Variants in FLRT3 observed in about 807,000 individuals in gnomAD.
The protein encoded by FLRT3 is fibronectin leucine rich transmembrane protein 3, also known as leucine-rich repeat transmembrane protein FLRT3.
In FLRT3, 17 loss-of-function variants were observed where a neutral mutation model predicts 42.6. The observed-to-expected ratio is 0.40, with a 90% CI of 0.27 to 0.60. FLRT3 has a LOEUF of 0.60. Among genes scored for constraint, FLRT3 ranks in the 20% least tolerant of loss-of-function variants. FLRT3 has a pLI of 0.44. For synonymous variants in FLRT3, 279 were observed against 286.4 expected, an observed-to-expected ratio of 0.97 and a Z score of 0.26; for missense variants, 635 against 789.2, an observed-to-expected ratio of 0.80 and a Z score of 2.34.
chr20:14,329,349 A>G (rs749019458), intron 1 of FLRT3, 22 bp from the exon 2 acceptor site: 3 of 152,124 alleles, frequency 2.0e-5, no homozygotes, highest in Non-Finnish European at 4.4e-5. Context: ...AAAGGTTTTA[A>G]TGAACTATTA....
chr20:14,326,456 C>T lies in FLRT3; in HGVS notation c.1051G>A (p.Glu351Lys), dbSNP rs763883408. ...CCACTGTCCTTACAATCAAACAGTT[C>T]TGCATTGAGATCCTTAATAGCCATC... ...RGMAIKDLNA[E>K]LFDCKDSGIV... is the part of the protein sequence containing the mutation. Residue 351 changes from glutamate (E) to lysine (K), a missense_variant, in exon 3 of 3, where the codon GAA (glutamate) becomes AAA (lysine). Transcript: ENST00000341420. This position sits in a 1 kb window ranked among gnomAD's most constrained non-coding sequence, Gnocchi z 5.5. 4 of 1,613,844 alleles carry T rather than the reference C, an allele frequency of 2.5e-6. No homozygotes were observed. Among genetic ancestry groups the T allele is most frequent in the Admixed American group, 3.3e-5 (2 of 59,982 alleles).
Position 14,329,801 on chromosome 20 carries a change from A to G in FLRT3, c.-246-474T>C, listed in dbSNP as rs576032930. 3.3e-5 allele frequency among the ~76,000 whole-genome samples: 5 copies of G among 152,172 alleles called. No individual in the cohort carries two copies. The South Asian group carries it at 1.0e-3, about 32-fold the overall frequency. ...AATTTAGAGTTGAAAAGACTATTTT[A>G]AAAGCTTTTCTTTTGATTTGCTTAG... On this transcript the variant is annotated intron_variant, in intron 1 of 2. Coordinates refer to ENST00000341420, the MANE Select transcript of FLRT3 (RefSeq NM_198391.3).
In FLRT3 at chr20:14,337,573, C is replaced by T; in HGVS notation, c.-416G>A. 7.5e-6 allele frequency: 3 copies of T among 398,538 alleles called. No homozygotes were observed. The allele number at this position is 398,538 out of a possible 1,614,324, so 24.7% of individuals were successfully genotyped here. On this transcript the variant is annotated 5_prime_UTR_variant, in exon 1 of 3. It adds an upstream start codon to the 5' untranslated region. Coordinates refer to ENST00000341420, the MANE Select transcript of FLRT3 (RefSeq NM_198391.3). Reference sequence around the variant, plus strand: ...TGTCCTGCTTCAGATCACTCCTACACTGAGGAGTGAGCGAGGGAGAGCATT... The same window carrying T: ...TGTCCTGCTTCAGATCACTCCTACATTGAGGAGTGAGCGAGGGAGAGCATT...
At chr20:14,330,936 T>C (rs1038030374) in intron 1 of FLRT3, among the ~76,000 whole-genome samples, 5 of 152,256 alleles carry the variant, frequency 3.3e-5, no homozygotes, top group Admixed American at 3.3e-4. Flanking sequence ...TTATTCAACA[T>C]ATAAAATAAT....
chr20:14,325,660 G>A lies in FLRT3; in HGVS notation c.1847C>T (p.Pro616Leu), dbSNP rs768053844. ...TTTGTACAGATTCATTCCATTAGGA[G>A]GAAATATGGTGTGTATTACAAACTC... ...KEEFVIHTIF[P>L]PNGMNLYKNN... The change falls in exon 3 of 3, where the codon CCT (proline) becomes CTT (leucine). Residue 616 changes from proline to leucine, a missense_variant. Coordinates refer to ENST00000341420, the MANE Select transcript of FLRT3 (RefSeq NM_198391.3). The A allele has an allele frequency of 3.1e-6, 5 of 1,613,642 alleles. No homozygotes were observed.
intron 1 of FLRT3, among the ~76,000 whole-genome samples, chr20:14,333,023 A>C (rs2122620795): frequency 6.6e-6 from 1 of 152,138 alleles, no homozygotes; most frequent in South Asian, 2.1e-4. Flanking sequence ...CTGGTAGTTA[A>C]ATTTTCCATG....
Position 14,326,406 on chromosome 20 carries a change from G to A in FLRT3, c.1101C>T (p.Thr367=), listed in dbSNP as rs1279581102. 8.7e-6 allele frequency: 14 copies of A among 1,613,776 alleles called. No homozygotes were observed. The African/African-American group carries it at 1.9e-4, about 22-fold the overall frequency. ...DSGIVSTIQI[T]TAIPNTVYPA... ...GATACACTGTGTTGGGTATTGCAGT[G>A]GTTATCTGAATGGTGCTTACAATCC... is the stretch of plus-strand genomic sequence containing the variant. The change falls in exon 3 of 3, where the codon ACC becomes ACT. Residue 367 remains threonine (T), a synonymous_variant. Transcript: ENST00000341420. The surrounding 1 kb of genome is among the most constrained non-coding windows in gnomAD (Gnocchi z 5.5).
chr20:14,326,253 G>A lies in FLRT3; in HGVS notation c.1254C>T (p.Val418=). ...AAGAGATATGAATGGTATCAGAGGT[G>A]ACAGACTTCACAGTAATTGTAATTG... ...RKTITITVKS[V]TSDTIHISWK... is the part of the protein sequence containing the mutation. The change falls in exon 3 of 3, where the codon GTC becomes GTT. Residue 418 remains valine (V), a synonymous_variant. Coordinates refer to ENST00000341420, the MANE Select transcript of FLRT3 (RefSeq NM_198391.3). This position sits in a 1 kb window ranked among gnomAD's most constrained non-coding sequence, Gnocchi z 5.5. 2 of 1,613,942 alleles carry A rather than the reference G, an allele frequency of 1.2e-6. No homozygotes were observed. The highest frequency in any genetic ancestry group is 1.7e-6 in the Non-Finnish European group (2 of 1,179,864).
At chr20:14,327,892 A>G (rs1166056257) in intron 2 of FLRT3, among the ~76,000 whole-genome samples, 3 of 152,124 alleles carry the variant, frequency 2.0e-5, no homozygotes, top group Admixed American at 2.0e-4. Context: ...TCACTGATCA[A>G]GCTAATTGAA....
At chr20:14,328,592 T>A (rs903019923) in intron 2 of FLRT3, among the ~76,000 whole-genome samples, 13 of 152,126 alleles carry the variant, frequency 8.5e-5, no homozygotes, top group African/African-American at 3.1e-4. Context: ...TATTGAACGA[T>A]GTGAGTAAAT....
At chr20:14,333,337 T>G (rs970902605) in intron 1 of FLRT3, among the ~76,000 whole-genome samples, 2 of 152,220 alleles carry the variant, frequency 1.3e-5, no homozygotes, top group Non-Finnish European at 2.9e-5. Flanking sequence ...CTTCATTTAT[T>G]TTGACTTGTA....
intron 1 of FLRT3, among the ~76,000 whole-genome samples, chr20:14,335,086 G>A (rs1263804458): frequency 1.3e-5 from 2 of 152,180 alleles, no homozygotes; most frequent in Non-Finnish European, 2.9e-5. Flanking sequence ...TCCCTGCACT[G>A]ATTTTTGTAG....
Position 14,337,542 on chromosome 20 carries a change from T to C in FLRT3, c.-385A>G. 2.5e-6 allele frequency: 1 copy of C among 398,638 alleles called. No individual in the cohort carries two copies. 24.7% of individuals were successfully genotyped at this position (398,638 alleles called of 1,614,324 possible). A position where few individuals can be genotyped will look rare whatever the true frequency, so the allele number is the denominator to read the frequency against. On this transcript the variant is annotated 5_prime_UTR_variant, in exon 1 of 3. Coordinates refer to ENST00000341420, the MANE Select transcript of FLRT3 (RefSeq NM_198391.3). ...CACAAAGCCCACGGCAGCTGCAGGC[T>C]GAGCTTGTCCTGCTTCAGATCACTC...
chr20:14,328,436 T>A (rs1302303529), intron 2 of FLRT3, among the ~76,000 whole-genome samples: 2 of 152,166 alleles, frequency 1.3e-5, no homozygotes, highest in Non-Finnish European at 2.9e-5. Flanking sequence ...AATTCTAACC[T>A]AGAACATAAA....
chr20:14,337,340 C>A, intron 1 of FLRT3, 64 bp downstream of exon 1: 65 of 240,276 alleles, frequency 2.7e-4, no homozygotes, highest in Non-Finnish European at 3.2e-4. Flanking sequence ...TCGTTTCTTT[C>A]TAGAGAGTAA....
In FLRT3 at chr20:14,326,437, T is replaced by C. The variant is rs775345656; in HGVS notation, c.1070A>G (p.Asp357Gly). Residue 357 changes from aspartate to glycine, a missense_variant, in exon 3 of 3, where the codon GAC becomes GGC. Asp to Gly is a moderately conservative substitution (Grantham distance 94, BLOSUM62 -1). Transcript: ENST00000341420. This position sits in a 1 kb window ranked among gnomAD's most constrained non-coding sequence, Gnocchi z 5.5. Reference protein sequence around the residue: ...DLNAELFDCKDSGIVSTIQIT... With the variant: ...DLNAELFDCKGSGIVSTIQIT... Reference sequence around the variant, plus strand: ...CTGAATGGTGCTTACAATCCCACTGTCCTTACAATCAAACAGTTCTGCATT... The same window carrying C: ...CTGAATGGTGCTTACAATCCCACTGCCCTTACAATCAAACAGTTCTGCATT... 1.2e-6 allele frequency: 2 copies of C among 1,613,724 alleles called. No individual in the cohort carries two copies. Among genetic ancestry groups the C allele is most frequent in the East Asian group, 4.5e-5 (2 of 44,872 alleles).
chr20:14,327,761 T>G (rs1334100158), intron 2 of FLRT3, among the ~76,000 whole-genome samples: 5 of 152,128 alleles, frequency 3.3e-5, no homozygotes, highest in African/African-American at 7.2e-5. Context: ...TTTCTTAATT[T>G]CTTTATAAAT....
chr20:14,325,738 C>G lies in FLRT3; in HGVS notation c.1769G>C (p.Arg590Thr). 6.2e-7 allele frequency: 1 copy of G among 1,613,912 alleles called. No individual in the cohort carries two copies. Among genetic ancestry groups the G allele is most frequent in the Non-Finnish European group, 8.5e-7 (1 of 1,179,868 alleles). Residue 590 changes from arginine to threonine, a missense_variant, in exon 3 of 3, where the codon AGG becomes ACG. By Grantham distance (71) the Arg-to-Thr change is moderately conservative (BLOSUM62 -1). Transcript: ENST00000341420. ...TGGTAACATCTGAAAAGAAGTTTCC[C>G]TGATTTCCAGGATAGAGTTGTCCTT... ...TKKDNSILEIRETSFQMLPIS... is the reference protein window; with the variant it reads ...TKKDNSILEITETSFQMLPIS...
Position 14,329,190 on chromosome 20 carries a change from G to A in FLRT3, c.-109C>T, listed in dbSNP as rs552470906. ...TTCTTGCTGATTTTTCAGAATGTCTGGTGCAGTCACGTTATACAAGAACAG... is the reference window on the plus strand; with the variant it reads ...TTCTTGCTGATTTTTCAGAATGTCTAGTGCAGTCACGTTATACAAGAACAG... On this transcript the variant is annotated 5_prime_UTR_variant, in exon 2 of 3. Transcript: ENST00000341420. 1 of 151,970 alleles carries A rather than the reference G, an allele frequency of 6.6e-6. No homozygotes were observed. Among genetic ancestry groups the A allele is most frequent in the Non-Finnish European group, 1.5e-5 (1 of 67,970 alleles). 9.4% of individuals were successfully genotyped at this position (151,970 alleles called of 1,614,324 possible). A position where few individuals can be genotyped will look rare whatever the true frequency, so the allele number is the denominator to read the frequency against.
Sources: gnomAD v4.1 joint callset for allele counts (sites outside exome capture counted in the v4.1 genomes callset) on GRCh38, gnomAD v4.1.1 for gene constraint, Gnocchi (gnomAD v3.1) non-coding constraint, MANE v1.5 for transcripts, NCBI Gene and HGNC (gene_info 2026-07-23, HGNC 2026-07-21) for gene names.